Variants in LATS1 observed in about 807,000 individuals in gnomAD.
The protein encoded by LATS1 is large tumor suppressor kinase 1, also known as serine/threonine-protein kinase LATS1.
A neutral mutation model predicts 106.6 loss-of-function variants in LATS1; 25 were observed. The observed-to-expected ratio is 0.23, with a 90% CI of 0.17 to 0.33. The LOEUF is 0.33. Ranked by LOEUF, LATS1 falls within the 10% of genes least tolerant of loss-of-function variation. The pLI, the probability that LATS1 is intolerant of heterozygous loss-of-function variation, is 1.00. For missense variants in LATS1, 1,040 were observed against 1,382.6 expected, an observed-to-expected ratio of 0.75 and a Z score of 3.93; for synonymous variants, 465 against 455.6, an observed-to-expected ratio of 1.02 and a Z score of -0.26.
chr6:149,663,995 A>C (rs1159722549), intron 7 of LATS1, among the ~76,000 whole-genome samples: 3 of 152,018 alleles, frequency 2.0e-5, no homozygotes, highest in African/African-American at 7.2e-5. Flanking sequence ...TTTTTAGTAG[A>C]GACGGGGTTT....
intron 7 of LATS1, among the ~76,000 whole-genome samples, chr6:149,663,382 G>C (rs945221164): frequency 2.6e-5 from 4 of 152,134 alleles, no homozygotes; most frequent in African/African-American, 9.7e-5. Flanking sequence ...CTTGAGGTGG[G>C]AGGATGACCT....
intron 2 of LATS1, among the ~76,000 whole-genome samples, chr6:149,700,442 C>T (rs963101303): frequency 1.2e-4 from 18 of 152,074 alleles, no homozygotes; most frequent in Non-Finnish European, 2.9e-5. Flanking sequence ...CACTGCACTC[C>T]AGTTTGGGTG....
At chr6:149,717,020 C>T (rs1172011717) in intron 1 of LATS1, among the ~76,000 whole-genome samples, 1 of 152,160 alleles carries the variant, frequency 6.6e-6, no homozygotes, top group Non-Finnish European at 1.5e-5. Context: ...GTTTCATGAT[C>T]GCTAACATTC....
chr6:149,663,723 T>A (rs1417284328), intron 7 of LATS1, among the ~76,000 whole-genome samples: 2 of 151,624 alleles, frequency 1.3e-5, no homozygotes, highest in Non-Finnish European at 2.9e-5. Context: ...AAAAAAAAAA[T>A]GATACAGTTA....
intron 7 of LATS1, 64 bp downstream of exon 7, chr6:149,676,196 T>C (rs759777612): frequency 8.9e-7 from 1 of 1,127,310 alleles, no homozygotes; most frequent in Non-Finnish European, 1.4e-6. Flanking sequence ...TACGTACTAA[T>C]AAATAAAAGT....
intron 7 of LATS1, chr6:149,675,964 C>T: frequency 3.4e-6 from 1 of 290,472 alleles, no homozygotes; most frequent in Non-Finnish European, 6.6e-6. Context: ...TTCACGCATG[C>T]AATTCTGGTG....
At chr6:149,700,949 A>C (rs1783421488) in intron 2 of LATS1, among the ~76,000 whole-genome samples, 1 of 152,068 alleles carries the variant, frequency 6.6e-6, no homozygotes, top group African/African-American at 2.4e-5. Flanking sequence ...ATGCCCAGCT[A>C]ATTTGATATC....
In LATS1 at chr6:149,680,169, G is replaced by A. The variant is rs568586257; in HGVS notation, c.2299C>T (p.Arg767Cys). 4 of 1,613,970 alleles carry A rather than the reference G, an allele frequency of 2.5e-6. No homozygotes were observed. The highest frequency in any genetic ancestry group is 1.3e-5 in the African/African-American group (1 of 74,996). ...LAEADNEWVV[R>C]LYYSFQDKDN... ...TTATCTTGGAATGAATAATATAGAC[G>A]AACTACCCATTCATTGTCAGCTTCA... Residue 767 changes from arginine (R) to cysteine (C), a missense_variant, in exon 5 of 8, where the codon CGT (arginine) becomes TGT (cysteine). Arg to Cys is a radical substitution (Grantham distance 180, BLOSUM62 -3). Around this residue, in one of 7 missense-constraint regions of LATS1, gnomAD observed 167 missense variants for 332.1 expected, o/e 0.50. Coordinates refer to ENST00000543571, the MANE Select transcript of LATS1 (RefSeq NM_004690.4).
chr6:149,665,703 G>T (rs552742743), intron 7 of LATS1, among the ~76,000 whole-genome samples: 1 of 152,266 alleles, frequency 6.6e-6, no homozygotes, highest in South Asian at 2.1e-4. Context: ...CTAAGGAAAA[G>T]ACCACAGCCT....
At chr6:149,709,347 G>T (rs1267658220) in intron 1 of LATS1, among the ~76,000 whole-genome samples, 1 of 152,070 alleles carries the variant, frequency 6.6e-6, no homozygotes. Context: ...CAGATGGCAG[G>T]CCCTGAAAGA....
At position 149,658,294 on chromosome 6, in the gene LATS1, T is replaced by C. The variant is rs1170714760; in HGVS notation, c.*3435A>G. On this transcript the variant is annotated 3_prime_UTR_variant, in exon 8 of 8. Transcript: ENST00000543571. ...CAGAATTATGCGAAACAATTAGTTA[T>C]ATTGCAAAGCTGTAATTCTTTTTCT... 3 of 152,250 alleles carry C rather than the reference T, an allele frequency of 2.0e-5. No homozygotes were observed. Among genetic ancestry groups the C allele is most frequent in the East Asian group, 1.9e-4 (1 of 5,208 alleles). 9.4% of individuals were successfully genotyped at this position (152,250 alleles called of 1,614,324 possible).
chr6:149,679,208 A>G (rs1399368768), intron 5 of LATS1, among the ~76,000 whole-genome samples: 4 of 152,160 alleles, frequency 2.6e-5, no homozygotes, highest in South Asian at 4.1e-4. Flanking sequence ...CTGATAATCT[A>G]GTTCTTTAAC....
intron 3 of LATS1, among the ~76,000 whole-genome samples, chr6:149,685,943 A>G (rs1443325452): frequency 6.6e-6 from 1 of 152,228 alleles, no homozygotes; most frequent in African/African-American, 2.4e-5. Flanking sequence ...TAAATATTAA[A>G]GATGAAATCA....
intron 1 of LATS1, among the ~76,000 whole-genome samples, chr6:149,717,324 CT>C (rs1412849688): frequency 3.3e-5 from 5 of 152,180 alleles, no homozygotes; most frequent in African/African-American, 1.2e-4. Flanking sequence ...ATACACACTC[CT>C]ACTCCATAAA....
chr6:149,698,552 CTTT>C (rs748004563), intron 2 of LATS1, among the ~76,000 whole-genome samples: 10 of 128,896 alleles, frequency 7.8e-5, no homozygotes, highest in African/African-American at 8.6e-5. Context: ...AGCCAGAAGT[CTTT>C]TTTTTTTTTT....
At chr6:149,678,164 C>A (rs1276289798) in intron 5 of LATS1, among the ~76,000 whole-genome samples, 14,469 of 43,484 alleles carry the variant, frequency 0.33, 5,256 homozygotes, top group South Asian at 0.39. Flanking sequence ...ACTAAAAATC[C>A]AAAAAAAAAA....
rs1780875982 is a variant in LATS1, at chr6:149,661,354, T to C, written c.*375A>G. The C allele has an allele frequency of 4.2e-6, 1 of 238,648 alleles. No individual in the cohort carries two copies. Among genetic ancestry groups the C allele is most frequent in the East Asian group, 6.1e-5 (1 of 16,514 alleles). The allele number at this position is 238,648 out of a possible 1,614,324, so 14.8% of individuals were successfully genotyped here. ...ATATTTGGTTAAAGCAAGATAAAAC[T>C]AAAACTGTCTTTCAAAAAAATTTCA... On this transcript the variant is annotated 3_prime_UTR_variant, in exon 8 of 8. Transcript: ENST00000543571.
At position 149,695,234 on chromosome 6, in the gene LATS1, G is replaced by A; in HGVS notation, c.349-13C>T. On this transcript the variant is annotated splice_polypyrimidine_tract_variant and intron_variant, in intron 2 of 7. Transcript: ENST00000543571. ...GTATAACCATATCCTGATATGAATT[G>A]AAGTTTAAAAAAAAAGAAACAAAAT... 6.5e-7 allele frequency: 1 copy of A among 1,540,816 alleles called. No homozygotes were observed. The highest frequency in any genetic ancestry group is 8.8e-7 in the Non-Finnish European group (1 of 1,133,904).
chr6:149,715,218 G>A (rs557158316), intron 1 of LATS1, among the ~76,000 whole-genome samples: 1 of 152,080 alleles, frequency 6.6e-6, no homozygotes, highest in East Asian at 1.9e-4. Flanking sequence ...ACAGACCCGC[G>A]CTACCACACC....
Sources: allele counts gnomAD v4.1 joint callset (sites outside exome capture counted in the v4.1 genomes callset), GRCh38; gene constraint gnomAD v4.1.1; regional missense constraint gnomAD v4.1.1; transcripts MANE v1.5; gene names NCBI Gene and HGNC (gene_info 2026-07-23, HGNC 2026-07-21).